Variants in COPB1 observed in about 807,000 individuals in gnomAD.
COPB1 encodes coatomer subunit beta.
COPB1 carries 21 observed loss-of-function variants against 108.7 expected under a neutral mutation model. That is an observed-to-expected ratio of 0.19 (90% CI 0.14 to 0.28). COPB1 has a LOEUF of 0.28. Ranked by LOEUF, COPB1 falls within the 10% of genes least tolerant of loss-of-function variation. The pLI is 1.00. For synonymous variants in COPB1, 378 were observed against 386.8 expected, an observed-to-expected ratio of 0.98 and a Z score of 0.27; for missense variants, 919 against 1,141.3, an observed-to-expected ratio of 0.81 and a Z score of 2.81.
rs1850550373 is a variant in COPB1, at chr11:14,477,403, A to AAAAAAAAAAAAAAAAAAAAAAAG, written c.1359-389_1359-388insCTTTTTTTTTTTTTTTTTTTTTT. On this transcript the variant is annotated intron_variant, in intron 11 of 21. Coordinates refer to ENST00000439561, the MANE Select transcript of COPB1 (RefSeq NM_001144061.2). Reference sequence around the variant, plus strand: ...AGACTCCGTCTCAAAAAAAAAAAAAAAACAAGGGCCAGGCACGGTGGCTCA... The same window carrying AAAAAAAAAAAAAAAAAAAAAAAG: ...AGACTCCGTCTCAAAAAAAAAAAAAAAAAAAAAAAAAAAAAAAAAAAAGAACAAGGGCCAGGCACGGTGGCTCA... Among the ~76,000 whole-genome samples the AAAAAAAAAAAAAAAAAAAAAAAG allele has an allele frequency of 1.3e-5, 2 of 149,592 alleles. 1 individual carries two copies. Among genetic ancestry groups the AAAAAAAAAAAAAAAAAAAAAAAG allele is most frequent in the Non-Finnish European group, 3.0e-5 (2 of 67,320 alleles).
intron 11 of COPB1, among the ~76,000 whole-genome samples, chr11:14,478,417 AAAATAAAT>A (rs909805303): frequency 4.5e-5 from 6 of 132,482 alleles, no homozygotes; most frequent in Non-Finnish European, 8.5e-5. Flanking sequence ...CTCTCTTAAA[AAAATAAAT>A]AAATAAAGTA....
Position 14,475,792 on chromosome 11 carries a change from C to G in COPB1, c.1609G>C (p.Glu537Gln). The G allele has an allele frequency of 6.4e-7, 1 of 1,567,026 alleles. No homozygotes were observed. Among genetic ancestry groups the G allele is most frequent in the South Asian group, 1.2e-5 (1 of 83,074 alleles). ...LSSSRPTKKE[E>Q]DRPPLRGFLL... ...ATATGTGCCATAAATTACCTGTCTT[C>G]CTCTTTCTTGGTGGGTCTAGAACTG... The change falls in exon 13 of 22, where the codon GAA becomes CAA. Residue 537 changes from glutamate (E) to glutamine (Q), a missense_variant. Physicochemically the swap from Glu to Gln is conservative, Grantham distance 29 (BLOSUM62 2). This residue lies in a region of COPB1 where 705 missense variants were observed against 817.8 expected (regional missense o/e 0.86). Coordinates refer to ENST00000439561, the MANE Select transcript of COPB1 (RefSeq NM_001144061.2).
In COPB1 at chr11:14,490,660, G is replaced by A. The variant is rs1290047497; in HGVS notation, c.511C>T (p.Pro171Ser). Residue 171 changes from proline to serine, a missense_variant, in exon 5 of 22, where the codon CCT becomes TCT. Physicochemically the swap from Pro to Ser is moderately conservative, Grantham distance 74 (BLOSUM62 -1). Transcript: ENST00000439561. Reference protein sequence around the residue: ...TIYRNFEHLIPDAPELIHDFL... With the variant: ...TIYRNFEHLISDAPELIHDFL... ...TCATGTATCAGTTCAGGAGCATCAG[G>A]TATAAGATGTTCAAAATTTCTTTAA... The A allele has an allele frequency of 1.2e-6, 2 of 1,603,090 alleles. No individual in the cohort carries two copies. The highest frequency in any genetic ancestry group is 1.7e-6 in the Non-Finnish European group (2 of 1,175,942).
chr11:14,469,033 T>C (rs545621621), intron 15 of COPB1, among the ~76,000 whole-genome samples, 173 bp from the exon 16 acceptor site: 2 of 152,306 alleles, frequency 1.3e-5, no homozygotes, highest in Admixed American at 1.3e-4. Context: ...TGTTACTCTG[T>C]TGCCCAGGCG....
intron 11 of COPB1, among the ~76,000 whole-genome samples, chr11:14,478,550 T>A (rs143250418): frequency 1.9e-3 from 288 of 151,266 alleles, no homozygotes; most frequent in Non-Finnish European, 3.3e-3. Flanking sequence ...GAACAATGGA[T>A]ACAGAAGAAG....
chr11:14,496,939 A>G (rs889969756), intron 2 of COPB1, among the ~76,000 whole-genome samples: 2 of 152,212 alleles, frequency 1.3e-5, no homozygotes, highest in African/African-American at 4.8e-5. Flanking sequence ...AAGAACATAC[A>G]TTGGAGAAAA....
chr11:14,480,645 C>A, intron 10 of COPB1, 114 bp downstream of exon 10: 1 of 976,524 alleles, frequency 1.0e-6, no homozygotes, highest in Non-Finnish European at 1.5e-6. Flanking sequence ...TCACTTCTCA[C>A]CATGAGATTT....
chr11:14,458,653 T>G lies in COPB1; in HGVS notation c.2681A>C (p.Asn894Thr). Residue 894 changes from asparagine to threonine, a missense_variant, in exon 21 of 22, where the codon AAC (asparagine) becomes ACC (threonine). Around this residue, in one of 5 missense-constraint regions of COPB1, gnomAD observed 705 missense variants for 817.8 expected, o/e 0.86. Coordinates refer to ENST00000439561, the MANE Select transcript of COPB1 (RefSeq NM_001144061.2). Reference sequence around the variant, plus strand: ...ACCAAATATGGAACGAGCATAAAGGTTGGCTGCCATAAAGCCACAGTAACC... The same window carrying G: ...ACCAAATATGGAACGAGCATAAAGGGTGGCTGCCATAAAGCCACAGTAACC... ...LSGYCGFMAANLYARSIFGED... is the reference protein window; with the variant it reads ...LSGYCGFMAATLYARSIFGED... 1.2e-6 allele frequency: 2 copies of G among 1,612,614 alleles called. No homozygotes were observed. The highest frequency in any genetic ancestry group is 1.7e-6 in the Non-Finnish European group (2 of 1,179,448).
intron 2 of COPB1, among the ~76,000 whole-genome samples, chr11:14,498,422 C>T (rs1016239082): frequency 5.9e-5 from 9 of 152,044 alleles, no homozygotes; most frequent in African/African-American, 2.2e-4. Flanking sequence ...CAGTGTTCAC[C>T]TAATTGTTTG....
intron 14 of COPB1, among the ~76,000 whole-genome samples, chr11:14,470,899 T>TACACACACACACACAC (rs56957263): frequency 7.4e-5 from 10 of 134,854 alleles, no homozygotes; most frequent in African/African-American, 2.6e-4. Flanking sequence ...GTGGAAGAAA[T>TACACACACACACACAC]ACACACACAC....
At chr11:14,479,743 G>A (rs1850619855) in intron 10 of COPB1, 29 bp from the exon 11 acceptor site, 3 of 1,533,378 alleles carry the variant, frequency 2.0e-6, no homozygotes, top group African/African-American at 1.4e-5. Flanking sequence ...AAAGAAAATG[G>A]AACTAACAAT....
rs1466641432 is a variant in COPB1 at position 14,461,272 on chromosome 11, T to C, written c.2470A>G (p.Ile824Val). Residue 824 changes from isoleucine (I) to valine (V), a missense_variant, in exon 19 of 22, where the codon ATC (isoleucine) becomes GTC (valine). Transcript: ENST00000439561. ...GGCTGGATATAGTCCATGATGTCGA[T>C]GTGAATATCACTGAGAACCACACAA... ...RNCVVLSDIH[I>V]DIMDYIQPAT... The C allele has an allele frequency of 6.2e-7, 1 of 1,614,194 alleles. No homozygotes were observed. Among genetic ancestry groups the C allele is most frequent in the Non-Finnish European group, 8.5e-7 (1 of 1,180,038 alleles).
At chr11:14,459,729 G>C (rs1850104469) in intron 20 of COPB1, among the ~76,000 whole-genome samples, 1 of 152,002 alleles carries the variant, frequency 6.6e-6, no homozygotes, top group Non-Finnish European at 1.5e-5. Flanking sequence ...TGATTCTCCT[G>C]CCTCAACCTC....
intron 8 of COPB1, 91 bp from the exon 9 acceptor site, chr11:14,481,188 A>T: frequency 1.1e-6 from 1 of 910,886 alleles, no homozygotes; most frequent in East Asian, 2.5e-5. Context: ...TTTATCTATC[A>T]TCACTTTAAT....
intron 3 of COPB1, 134 bp downstream of exon 3, chr11:14,494,076 T>C (rs1850967222): frequency 1.4e-6 from 1 of 702,324 alleles, no homozygotes; most frequent in Non-Finnish European, 2.3e-6. Flanking sequence ...TAAAAATAAC[T>C]CTTTTACAAT....
chr11:14,489,608 T>G (rs765090086), intron 5 of COPB1, among the ~76,000 whole-genome samples: 1 of 152,144 alleles, frequency 6.6e-6, no homozygotes, highest in Non-Finnish European at 1.5e-5. Context: ...TTAGGCTAAG[T>G]AAAATAAGCC....
chr11:14,483,244 AC>A lies in COPB1; in HGVS notation c.838-94del, dbSNP rs1368861054. 4.6e-5 allele frequency: 31 copies of A among 666,682 alleles called. 1 individual carries two copies. The South Asian group carries it at 7.6e-4, about 16-fold the overall frequency. 41.3% of individuals were successfully genotyped at this position (666,682 alleles called of 1,614,324 possible). ...GCGCGCACACCACACACACACACAC[AC>A]ACACACACACACACTCCCATGAAGC... On this transcript the variant is annotated intron_variant, in intron 7 of 21. Transcript: ENST00000439561.
rs145937690 is a variant in COPB1, at chr11:14,477,451, G to A, written c.1359-436C>T. On this transcript the variant is annotated intron_variant, in intron 11 of 21. Transcript: ENST00000439561. The stretch of plus-strand genomic sequence containing the variant: ...TCACGCCTGTAATCCTAGCACATTC[G>A]GAGGCTGAGGCCAGCGGATCACTTG... Among the ~76,000 whole-genome samples the A allele has an allele frequency of 1.3e-4, 19 of 147,658 alleles. No individual in the cohort carries two copies. The East Asian group carries it at 3.0e-3, about 23-fold the overall frequency.
intron 20 of COPB1, 63 bp from the exon 21 acceptor site, chr11:14,458,750 A>C: frequency 2.5e-5 from 35 of 1,399,324 alleles, no homozygotes; most frequent in Non-Finnish European, 3.1e-5. Context: ...CAAAAACCAA[A>C]CAGCATAGGT....
Sources: allele counts gnomAD v4.1 joint callset (sites outside exome capture counted in the v4.1 genomes callset), GRCh38; gene constraint gnomAD v4.1.1; regional missense constraint gnomAD v4.1.1; transcripts MANE v1.5; gene names NCBI Gene and HGNC (gene_info 2026-07-23, HGNC 2026-07-21).